The following TMEM71 variants were observed in gnomAD, a reference collection of about 807,000 sequenced individuals.
The protein encoded by TMEM71 is transmembrane protein 71.
In TMEM71, 44 loss-of-function variants were observed where a neutral mutation model predicts 38.0. The observed-to-expected ratio is 1.16, with a 90% CI of 0.91 to 1.49. The LOEUF is 1.49. Ranked by LOEUF, TMEM71 falls within the 40% of genes most tolerant of loss-of-function variation. The pLI is 0.00. For synonymous variants in TMEM71, 133 were observed against 122.5 expected, an observed-to-expected ratio of 1.09 and a Z score of -0.56; for missense variants, 367 against 348.6, an observed-to-expected ratio of 1.05 and a Z score of -0.42.
At chr8:132,724,994 A>T (rs1206470711) in intron 6 of TMEM71, among the ~76,000 whole-genome samples, 1 of 151,978 alleles carries the variant, frequency 6.6e-6, no homozygotes, top group Non-Finnish European at 1.5e-5. Flanking sequence ...AGCCACCAGG[A>T]TCCACCATGT....
chr8:132,710,523 A>G lies in TMEM71; in HGVS notation c.*444T>C, dbSNP rs1826182033. On this transcript the variant is annotated 3_prime_UTR_variant, in exon 10 of 10. Coordinates refer to ENST00000677595, the MANE Select transcript of TMEM71 (RefSeq NM_001382403.1). Reference sequence around the variant, plus strand: ...TTGTTATTCAAGTTGTCAGGTTGGTATTAGTTAGACAAACTTGCTCTCATT... The same window carrying G: ...TTGTTATTCAAGTTGTCAGGTTGGTGTTAGTTAGACAAACTTGCTCTCATT... The G allele has an allele frequency of 3.5e-6, 1 of 282,690 alleles. No individual in the cohort carries two copies. The allele number at this position is 282,690 out of a possible 1,614,324, so 17.5% of individuals were successfully genotyped here.
chr8:132,737,794 C>A (rs576463613), intron 5 of TMEM71, among the ~76,000 whole-genome samples: 1 of 152,322 alleles, frequency 6.6e-6, no homozygotes, highest in East Asian at 1.9e-4. Context: ...CCGCTCCTTT[C>A]TTCTCATTCA....
intron 4 of TMEM71, among the ~76,000 whole-genome samples, chr8:132,749,811 C>T (rs894269230): frequency 1.3e-5 from 2 of 151,912 alleles, no homozygotes; most frequent in East Asian, 1.9e-4. Context: ...GTCAGGGGAT[C>T]GAGACCATCC....
At chr8:132,723,466 C>G (rs1432020939) in intron 6 of TMEM71, among the ~76,000 whole-genome samples, 1 of 152,138 alleles carries the variant, frequency 6.6e-6, no homozygotes, top group Non-Finnish European at 1.5e-5. Context: ...TTGCTGAATA[C>G]CTTTTTCAGC....
chr8:132,725,139 G>A (rs897038851), intron 6 of TMEM71, among the ~76,000 whole-genome samples: 3 of 151,708 alleles, frequency 2.0e-5, no homozygotes, highest in Non-Finnish European at 4.4e-5. Context: ...TTAGGCTCAG[G>A]TGATTCTCCC....
chr8:132,739,642 T>C (rs1242175725), intron 5 of TMEM71, among the ~76,000 whole-genome samples: 3 of 152,154 alleles, frequency 2.0e-5, no homozygotes. Flanking sequence ...TAAATTAACT[T>C]GGGCGAGTTC....
intron 5 of TMEM71, among the ~76,000 whole-genome samples, chr8:132,741,329 G>A (rs1256072371): frequency 2.0e-5 from 3 of 152,156 alleles, no homozygotes; most frequent in Non-Finnish European, 4.4e-5. Flanking sequence ...GCCCCACAGG[G>A]TCGGTGGGTC....
intron 5 of TMEM71, among the ~76,000 whole-genome samples, chr8:132,741,949 G>A (rs1009881781): frequency 5.9e-5 from 9 of 152,174 alleles, no homozygotes; most frequent in Non-Finnish European, 8.8e-5. Flanking sequence ...GCTAAACCTC[G>A]GTCCACCTGG....
intron 5 of TMEM71, among the ~76,000 whole-genome samples, chr8:132,743,132 G>A (rs114733851): frequency 0.026 from 3,979 of 152,132 alleles, 185 homozygotes; most frequent in African/African-American, 0.092. Flanking sequence ...CAGCCAAACC[G>A]TATCATGACA....
chr8:132,724,635 A>T (rs1827036909), intron 6 of TMEM71, among the ~76,000 whole-genome samples: 1 of 152,194 alleles, frequency 6.6e-6, no homozygotes, highest in Admixed American at 6.5e-5. Flanking sequence ...TGTACAGTTA[A>T]CGCAATCATC....
chr8:132,734,059 T>C (rs927281914), intron 5 of TMEM71, among the ~76,000 whole-genome samples: 1 of 152,008 alleles, frequency 6.6e-6, no homozygotes, highest in African/African-American at 2.4e-5. Context: ...TCAGTTACGC[T>C]GGAAGGATGA....
intron 7 of TMEM71, among the ~76,000 whole-genome samples, chr8:132,717,920 A>G (rs1826622231): frequency 6.6e-6 from 1 of 152,250 alleles, no homozygotes; most frequent in Admixed American, 6.5e-5. Flanking sequence ...ATAGAAAAGG[A>G]TGAAGTACTG....
In TMEM71 at chr8:132,751,785, C is replaced by G. The variant is rs758375827; in HGVS notation, c.314G>C (p.Arg105Thr). Reference sequence around the variant, plus strand: ...TCTTTCTGTAATATGCTCTGCTTACCTAACTAAGTTCTCCTTATACATAAC... The same window carrying G: ...TCTTTCTGTAATATGCTCTGCTTACGTAACTAAGTTCTCCTTATACATAAC... ...TSVMYKENLV[R>T]IFRKKKRICH... Residue 105 changes from arginine to threonine, a missense_variant and splice_region_variant, in exon 4 of 10, where the codon AGG becomes ACG. Transcript: ENST00000677595. 1 of 1,612,834 alleles carries G rather than the reference C, an allele frequency of 6.2e-7. No individual in the cohort carries two copies. The highest frequency in any genetic ancestry group is 1.1e-5 in the South Asian group (1 of 91,036).
At chr8:132,711,426 C>G (rs547952697) in intron 9 of TMEM71, among the ~76,000 whole-genome samples, 1 of 152,310 alleles carries the variant, frequency 6.6e-6, no homozygotes, top group South Asian at 2.1e-4. Context: ...TTGCTCTCTC[C>G]TGCCCCGTAG....
intron 3 of TMEM71, among the ~76,000 whole-genome samples, chr8:132,753,339 A>T (rs1048793820): frequency 6.6e-6 from 1 of 152,202 alleles, no homozygotes; most frequent in African/African-American, 2.4e-5. Flanking sequence ...AATTAACAGC[A>T]CTGATAGTAT....
Position 132,710,711 on chromosome 8 carries a change from A to C in TMEM71, c.*256T>G, listed in dbSNP as rs887052796. The C allele has an allele frequency of 5.4e-6, 3 of 554,680 alleles. No individual in the cohort carries two copies. The highest frequency in any genetic ancestry group is 9.4e-6 in the Non-Finnish European group (3 of 318,700). The allele number at this position is 554,680 out of a possible 1,614,324, so 34.4% of individuals were successfully genotyped here. A position where few individuals can be genotyped will look rare whatever the true frequency, so the allele number is the denominator to read the frequency against. On this transcript the variant is annotated 3_prime_UTR_variant, in exon 10 of 10. Coordinates refer to ENST00000677595, the MANE Select transcript of TMEM71 (RefSeq NM_001382403.1). ...TTCCAGGCGGTCTCTTTTCCATCAC[A>C]TTCCCCGTCCTTTTCCTTTCAACTG...
At chr8:132,754,462 G>A (rs1279367111) in intron 3 of TMEM71, among the ~76,000 whole-genome samples, 1 of 152,022 alleles carries the variant, frequency 6.6e-6, no homozygotes, top group Non-Finnish European at 1.5e-5. Context: ...TTTCAATCCT[G>A]GCTCTACCTC....
chr8:132,753,286 T>C (rs563402491), intron 3 of TMEM71, among the ~76,000 whole-genome samples: 2 of 150,964 alleles, frequency 1.3e-5, no homozygotes, highest in Non-Finnish European at 2.9e-5. Context: ...AAATATATAT[T>C]GTCTGAATAT....
chr8:132,749,648 GTC>G (rs2131169736), intron 4 of TMEM71, among the ~76,000 whole-genome samples: 1 of 152,314 alleles, frequency 6.6e-6, no homozygotes, highest in Non-Finnish European at 1.5e-5. Context: ...AAGAGGCTGG[GTC>G]TCTGAGTCTC....
Sources: allele counts gnomAD v4.1 joint callset (sites outside exome capture counted in the v4.1 genomes callset), GRCh38; gene constraint gnomAD v4.1.1; transcripts MANE v1.5; gene names NCBI Gene and HGNC (gene_info 2026-07-23, HGNC 2026-07-21).